Variants in CACNA1C observed in about 807,000 individuals in gnomAD.
The protein encoded by CACNA1C is voltage-dependent L-type calcium channel subunit alpha-1C.
A neutral mutation model predicts 229.0 loss-of-function variants in CACNA1C; 30 were observed. The ratio of observed to expected loss-of-function variants is 0.13; its 90% confidence interval spans 0.10 to 0.18. The LOEUF is 0.18. Ranked by LOEUF, CACNA1C falls within the 10% of genes least tolerant of loss-of-function variation. The pLI is 1.00. For synonymous variants in CACNA1C, 1,114 were observed against 1,132.5 expected, an observed-to-expected ratio of 0.98 and a Z score of 0.33; for missense variants, 1,658 against 2,845.0, an observed-to-expected ratio of 0.58 and a Z score of 9.49.
chr12:2,038,901 A>G (rs982365955), intron 1 of CACNA1C, among the ~76,000 whole-genome samples: 1 of 151,878 alleles, frequency 6.6e-6, no homozygotes, highest in African/African-American at 2.4e-5. Context: ...GAAATCCCTT[A>G]ACATAAATTT....
At chr12:2,049,796 C>T (rs1215403040), upstream of CACNA1C, among the ~76,000 whole-genome samples, 1 of 152,138 alleles carries the variant, frequency 6.6e-6, no homozygotes, top group Non-Finnish European at 1.5e-5. Flanking sequence ...TCCCAAATCC[C>T]CAAATCGGAA....
intron 15 of CACNA1C, 76 bp from the exon 16 acceptor site, chr12:2,584,427 C>A (rs2061676226): frequency 1.0e-6 from 1 of 1,001,128 alleles, no homozygotes; most frequent in East Asian, 2.4e-5. Flanking sequence ...CCCTGCACGC[C>A]CCACATCCCC....
chr12:2,188,133 A>G (rs904800855), intron 3 of CACNA1C, among the ~76,000 whole-genome samples: 2 of 152,220 alleles, frequency 1.3e-5, no homozygotes, highest in Non-Finnish European at 2.9e-5. Flanking sequence ...GGTAAGTGGT[A>G]TCTTCCCCAT....
At chr12:2,266,196 C>CTT (rs5795999) in intron 3 of CACNA1C, among the ~76,000 whole-genome samples, 7,273 of 152,314 alleles carry the variant, frequency 0.048, 215 homozygotes, top group Middle Eastern at 0.071. Flanking sequence ...AGCAGCCTCA[C>CTT]TTTTTCCCTT....
At chr12:1,975,042 A>G (rs141665917) in intron 1 of CACNA1C, among the ~76,000 whole-genome samples, 179 of 152,288 alleles carry the variant, frequency 1.2e-3, no homozygotes, top group African/African-American at 4.2e-3. Context: ...ACACATGATC[A>G]CAGAAATATT....
chr12:2,437,905 A>G (rs2099157200), intron 3 of CACNA1C, among the ~76,000 whole-genome samples: 1 of 137,004 alleles, frequency 7.3e-6, no homozygotes, highest in Non-Finnish European at 1.6e-5. Flanking sequence ...TGGTGATAGT[A>G]GAGGTAGTAG....
chr12:2,009,684 G>C (rs1348672694), intron 1 of CACNA1C, among the ~76,000 whole-genome samples: 1 of 152,158 alleles, frequency 6.6e-6, no homozygotes, highest in Non-Finnish European at 1.5e-5. Flanking sequence ...GATGATAGAA[G>C]TGAACAATTA....
chr12:2,480,860 C>T (rs1377161189), intron 5 of CACNA1C, among the ~76,000 whole-genome samples: 1 of 152,188 alleles, frequency 6.6e-6, no homozygotes, highest in Admixed American at 6.5e-5. Context: ...AACAGAAAAG[C>T]AGAGCGTCAA....
At chr12:2,499,996 G>A (rs762576058) in intron 7 of CACNA1C, among the ~76,000 whole-genome samples, 14 of 152,296 alleles carry the variant, frequency 9.2e-5, no homozygotes, top group Non-Finnish European at 1.9e-4. Flanking sequence ...GGAAGTGAAA[G>A]GAGAACTTTC....
chr12:2,489,669 A>T lies in CACNA1C; in HGVS notation c.916+3407A>T, dbSNP rs192747846. 2.0e-4 allele frequency among the ~76,000 whole-genome samples: 31 copies of T among 152,346 alleles called. No individual in the cohort carries two copies. In the East Asian group the frequency reaches 5.6e-3, roughly 27 times the overall value. On this transcript the variant is annotated intron_variant, in intron 6 of 46. Coordinates refer to ENST00000399655, the MANE Select transcript of CACNA1C (RefSeq NM_000719.7). ...TATTTACTCCTTAAAGTTGAGTTTT[A>T]AAAAAGTAATTGATTTTTGTCTTCA...
At chr12:2,004,206 C>T (rs2042869511) in intron 1 of CACNA1C, 11 of 1,581,306 alleles carry the variant, frequency 7.0e-6, no homozygotes, top group Admixed American at 1.8e-5. Flanking sequence ...CTCACCGGGT[C>T]CTCAAGTCCT....
At chr12:2,572,701 T>TC (rs2056456962) in intron 13 of CACNA1C, among the ~76,000 whole-genome samples, 1 of 49,748 alleles carries the variant, frequency 2.0e-5, no homozygotes, top group Non-Finnish European at 4.1e-5. Flanking sequence ...CTCCTTCTCC[T>TC]CTTCCTCCTC....
intron 1 of CACNA1C, among the ~76,000 whole-genome samples, chr12:1,975,629 C>T (rs1426948901): frequency 1.3e-5 from 2 of 152,162 alleles, no homozygotes; most frequent in African/African-American, 4.8e-5. Flanking sequence ...ATAAAATACA[C>T]TGCATGTCCA....
At chr12:2,162,241 G>A (rs1178291903) in intron 3 of CACNA1C, among the ~76,000 whole-genome samples, 2 of 151,818 alleles carry the variant, frequency 1.3e-5, no homozygotes, top group African/African-American at 4.8e-5. Flanking sequence ...AGCTCCACAA[G>A]CACCTGACCA....
At chr12:2,235,704 G>A (rs1341932032) in intron 3 of CACNA1C, among the ~76,000 whole-genome samples, 1 of 152,148 alleles carries the variant, frequency 6.6e-6, no homozygotes, top group Non-Finnish European at 1.5e-5. Flanking sequence ...GCAAAGCAGG[G>A]CCGTGTCTGA....
chr12:2,101,237 T>A (rs761676911), intron 1 of CACNA1C, among the ~76,000 whole-genome samples: 1 of 152,182 alleles, frequency 6.6e-6, no homozygotes, highest in African/African-American at 2.4e-5. Context: ...CTGGTATCAT[T>A]CACACCGTGA....
At chr12:2,111,357 G>A (rs1357056864) in intron 1 of CACNA1C, among the ~76,000 whole-genome samples, 1 of 152,182 alleles carries the variant, frequency 6.6e-6, no homozygotes, top group South Asian at 2.1e-4. Flanking sequence ...CTTCTACCTC[G>A]TGCTCCGGGT....
intron 29 of CACNA1C, among the ~76,000 whole-genome samples, chr12:2,629,234 C>T (rs894652194): frequency 1.3e-5 from 2 of 152,224 alleles, no homozygotes; most frequent in African/African-American, 4.8e-5. Flanking sequence ...AGCGATTGCA[C>T]ACAGAGGGCT....
At chr12:2,594,595 T>G (rs1267934042) in intron 19 of CACNA1C, among the ~76,000 whole-genome samples, 1 of 152,258 alleles carries the variant, frequency 6.6e-6, no homozygotes, top group African/African-American at 2.4e-5. Context: ...TCTTTGTGAT[T>G]TAGTCCTTTA....
Sources: allele counts gnomAD v4.1 joint callset (sites outside exome capture counted in the v4.1 genomes callset), GRCh38; gene constraint gnomAD v4.1.1; transcripts MANE v1.5; gene names NCBI Gene and HGNC (gene_info 2026-07-23, HGNC 2026-07-21).